Variants in ADCY2 observed in about 807,000 individuals in gnomAD.
ADCY2 encodes the protein adenylate cyclase 2.
In ADCY2, 31 loss-of-function variants were observed where a neutral mutation model predicts 125.2. The observed-to-expected ratio is 0.25, with a 90% CI of 0.19 to 0.33. The LOEUF is 0.33. Ranked by LOEUF, ADCY2 falls within the 10% of genes least tolerant of loss-of-function variation. The pLI, the probability that ADCY2 is intolerant of heterozygous loss-of-function variation, is 1.00. For synonymous variants in ADCY2, 512 were observed against 548.4 expected, an observed-to-expected ratio of 0.93 and a Z score of 0.93; for missense variants, 904 against 1,418.2, an observed-to-expected ratio of 0.64 and a Z score of 5.82.
intron 22 of ADCY2, among the ~76,000 whole-genome samples, chr5:7,805,388 G>A (rs1386505762): frequency 6.6e-6 from 1 of 152,066 alleles, no homozygotes; most frequent in African/African-American, 2.4e-5. Context: ...TCATTGAAAA[G>A]GTCATTTGGG....
chr5:7,751,685 A>G (rs1431271391), intron 15 of ADCY2, among the ~76,000 whole-genome samples: 2 of 152,202 alleles, frequency 1.3e-5, no homozygotes, highest in African/African-American at 2.4e-5. Context: ...TACAGAAAGT[A>G]TAGCAGTTTG....
intron 3 of ADCY2, among the ~76,000 whole-genome samples, chr5:7,623,013 G>A (rs983529127): frequency 1.1e-4 from 16 of 152,178 alleles, no homozygotes; most frequent in Admixed American, 1.0e-3. Context: ...GAAATAAGTG[G>A]GGAGTGGGAT....
At chr5:7,469,225 C>A (rs1742240830) in intron 2 of ADCY2, among the ~76,000 whole-genome samples, 1 of 150,620 alleles carries the variant, frequency 6.6e-6, no homozygotes, top group Non-Finnish European at 1.5e-5. Flanking sequence ...TTCTTAAGTA[C>A]TATTAATTTT....
chr5:7,464,924 C>T (rs189439425), intron 2 of ADCY2, among the ~76,000 whole-genome samples: 124 of 152,072 alleles, frequency 8.2e-4, no homozygotes, highest in Middle Eastern at 3.4e-3. Context: ...TTTAATGGAC[C>T]CACAGTTCTA....
intron 18 of ADCY2, among the ~76,000 whole-genome samples, chr5:7,781,510 T>C (rs1347103234): frequency 2.0e-5 from 3 of 152,098 alleles, no homozygotes; most frequent in Non-Finnish European, 4.4e-5. Context: ...ATTGGAGTCA[T>C]GTGGTGGCAA....
intron 7 of ADCY2, among the ~76,000 whole-genome samples, chr5:7,704,000 C>CAAAAAAAAAAA (rs11419642): frequency 7.4e-6 from 1 of 134,674 alleles, no homozygotes; most frequent in African/African-American, 3.2e-5. Context: ...AGATTCTGTC[C>CAAAAAAAAAAA]AAAAAAAAAA....
At chr5:7,561,692 C>T (rs1411976553) in intron 3 of ADCY2, among the ~76,000 whole-genome samples, 1 of 152,174 alleles carries the variant, frequency 6.6e-6, no homozygotes, top group African/African-American at 2.4e-5. Flanking sequence ...TGGAGAATGC[C>T]TGCTTTAGCT....
intron 1 of ADCY2, among the ~76,000 whole-genome samples, chr5:7,407,454 T>C (rs951004266): frequency 6.6e-6 from 1 of 152,068 alleles, no homozygotes; most frequent in Non-Finnish European, 1.5e-5. Context: ...AAGCAAGGCA[T>C]GTCTTCTTAT....
At chr5:7,583,502 A>G (rs1484708614) in intron 3 of ADCY2, among the ~76,000 whole-genome samples, 5 of 152,078 alleles carry the variant, frequency 3.3e-5, no homozygotes, top group Non-Finnish European at 7.4e-5. Context: ...AAACCCATAA[A>G]AAGGGACTCA....
intron 20 of ADCY2, among the ~76,000 whole-genome samples, chr5:7,790,932 G>A (rs1299414599): frequency 3.3e-5 from 5 of 152,088 alleles, no homozygotes; most frequent in African/African-American, 1.2e-4. Context: ...GCCTTCCTCT[G>A]CTTGAGCCGA....
chr5:7,618,794 C>T (rs1737850134), intron 3 of ADCY2, among the ~76,000 whole-genome samples: 1 of 152,078 alleles, frequency 6.6e-6, no homozygotes, highest in South Asian at 2.1e-4. Flanking sequence ...CTGAAATCAC[C>T]AGAACCAGGC....
At chr5:7,755,671 G>A (rs1742970166) in intron 15 of ADCY2, among the ~76,000 whole-genome samples, 1 of 152,170 alleles carries the variant, frequency 6.6e-6, no homozygotes, top group East Asian at 1.9e-4. Flanking sequence ...CCATTTCAGA[G>A]AGGATCATTA....
intron 24 of ADCY2, among the ~76,000 whole-genome samples, chr5:7,822,278 C>T (rs1436521834): frequency 1.3e-5 from 2 of 152,176 alleles, no homozygotes; most frequent in Non-Finnish European, 2.9e-5. Flanking sequence ...TTTGCTTAAA[C>T]TGTGGTTAGA....
chr5:7,740,142 G>T (rs1742367735), intron 14 of ADCY2, among the ~76,000 whole-genome samples: 1 of 151,892 alleles, frequency 6.6e-6, no homozygotes, highest in South Asian at 2.1e-4. Context: ...AATGAGAAAG[G>T]TTGGAAATAA....
intron 2 of ADCY2, among the ~76,000 whole-genome samples, chr5:7,449,230 A>G (rs1741387273): frequency 6.6e-6 from 1 of 152,170 alleles, no homozygotes; most frequent in African/African-American, 2.4e-5. Context: ...AATGACTGCT[A>G]TCTTCTCAAG....
chr5:7,443,458 G>A (rs1316606720), intron 2 of ADCY2, among the ~76,000 whole-genome samples: 8 of 151,466 alleles, frequency 5.3e-5, no homozygotes, highest in Non-Finnish European at 1.0e-4. Context: ...CAAGACCATG[G>A]TGAAACCCCG....
intron 19 of ADCY2, among the ~76,000 whole-genome samples, chr5:7,785,137 A>G (rs1744042280): frequency 6.6e-6 from 1 of 152,204 alleles, no homozygotes; most frequent in African/African-American, 2.4e-5. Flanking sequence ...AAACAAACAA[A>G]AAGCAGTGAT....
At chr5:7,681,049 T>C (rs925693139) in intron 4 of ADCY2, among the ~76,000 whole-genome samples, 1 of 152,190 alleles carries the variant, frequency 6.6e-6, no homozygotes. Context: ...TATTTTTGAG[T>C]TTGAGCTGCA....
intron 1 of ADCY2, among the ~76,000 whole-genome samples, chr5:7,398,353 A>T (rs1739137144): frequency 6.6e-6 from 1 of 152,114 alleles, no homozygotes; most frequent in South Asian, 2.1e-4. Flanking sequence ...GGCTTAAAGC[A>T]CCCTTCTTTG....
Sources: allele counts gnomAD v4.1 joint callset (sites outside exome capture counted in the v4.1 genomes callset), GRCh38; gene constraint gnomAD v4.1.1; transcripts MANE v1.5; gene names NCBI Gene and HGNC (gene_info 2026-07-23, HGNC 2026-07-21).